The following USP33 variants were observed in gnomAD, a reference collection of about 807,000 sequenced individuals.
The protein encoded by USP33 is ubiquitin carboxyl-terminal hydrolase 33.
Under a neutral mutation model 124.2 loss-of-function variants are expected in USP33, and 46 were observed. The ratio of observed to expected loss-of-function variants is 0.37; its 90% confidence interval spans 0.29 to 0.47. The LOEUF (loss-of-function observed/expected upper bound fraction) is 0.47, where lower values mean the gene tolerates loss of function less well. Ranked by LOEUF, USP33 falls within the 20% of genes least tolerant of loss-of-function variation. The probability of loss-of-function intolerance (pLI) is 0.99; values close to 1 mark genes in which losing one functional copy is unlikely to be tolerated. For missense variants in USP33, 851 were observed against 1,070.6 expected, an observed-to-expected ratio of 0.79 and a Z score of 2.86; for synonymous variants, 350 against 352.3, an observed-to-expected ratio of 0.99 and a Z score of 0.07.
intron 1 of USP33, among the ~76,000 whole-genome samples, chr1:77,754,118 T>A (rs544534283): frequency 6.6e-6 from 1 of 152,246 alleles, no homozygotes; most frequent in African/African-American, 2.4e-5. Context: ...ATGTTCCCCA[T>A]AATTGTTACA....
intron 10 of USP33, 78 bp from the exon 11 acceptor site, chr1:77,725,840 AATTTG>A: frequency 7.7e-7 from 1 of 1,305,724 alleles, no homozygotes; most frequent in Non-Finnish European, 1.0e-6. Context: ...AAGGTTTCTT[AATTTG>A]ATATTTTGAA....
intron 21 of USP33, among the ~76,000 whole-genome samples, chr1:77,709,504 C>A (rs1490692837): frequency 6.6e-6 from 1 of 151,484 alleles, no homozygotes; most frequent in African/African-American, 2.4e-5. Context: ...CAGAATGAGA[C>A]CCTGTCTTTT....
intron 1 of USP33, among the ~76,000 whole-genome samples, chr1:77,753,641 T>C (rs913259460): frequency 2.0e-5 from 3 of 151,920 alleles, no homozygotes; most frequent in Non-Finnish European, 4.4e-5. Flanking sequence ...GATAGCACTG[T>C]ACTAAGAGTA....
At chr1:77,716,581 T>G (rs1047450275) in intron 17 of USP33, among the ~76,000 whole-genome samples, 3 of 152,174 alleles carry the variant, frequency 2.0e-5, no homozygotes, top group Non-Finnish European at 4.4e-5. Context: ...AGAGGGTAAT[T>G]GATATTGCAA....
At chr1:77,720,189 AAAAAAC>A in intron 15 of USP33, 2 of 498,652 alleles carry the variant, frequency 4.0e-6, no homozygotes, top group Non-Finnish European at 5.2e-6. Context: ...AAAAAAAAAA[AAAAAAC>A]CTTTATTCTT....
At chr1:77,720,392 G>A in intron 15 of USP33, 1 of 985,370 alleles carries the variant, frequency 1.0e-6, no homozygotes, top group Non-Finnish European at 1.2e-6. Context: ...CTTTTCAGCA[G>A]TCAGCTAGGG....
intron 1 of USP33, chr1:77,759,354 C>T: frequency 8.0e-6 from 3 of 373,736 alleles, no homozygotes; most frequent in Non-Finnish European, 1.4e-5. Flanking sequence ...TCACCTGCAC[C>T]TCCCGCTTCC....
At chr1:77,749,067 A>G (rs759865473) in intron 1 of USP33, among the ~76,000 whole-genome samples, 1 of 152,202 alleles carries the variant, frequency 6.6e-6, no homozygotes, top group Non-Finnish European at 1.5e-5. Flanking sequence ...ACATTTTGCT[A>G]TAACAACATC....
chr1:77,745,236 G>A (rs966225779), intron 1 of USP33, among the ~76,000 whole-genome samples: 3 of 152,136 alleles, frequency 2.0e-5, no homozygotes, highest in African/African-American at 7.2e-5. Context: ...TCAGAGACTA[G>A]GATTGCAAAC....
intron 16 of USP33, among the ~76,000 whole-genome samples, chr1:77,718,366 A>G (rs1267431430): frequency 6.6e-6 from 1 of 152,212 alleles, no homozygotes; most frequent in African/African-American, 2.4e-5. Flanking sequence ...TACACTTTAG[A>G]CCTGGCAAGA....
intron 20 of USP33, 42 bp downstream of exon 20, chr1:77,713,158 C>T (rs746501487): frequency 2.2e-5 from 34 of 1,538,280 alleles, no homozygotes; most frequent in Non-Finnish European, 2.8e-5. Flanking sequence ...ACCAGTTTAA[C>T]CGACTTTCAC....
intron 19 of USP33, 81 bp downstream of exon 19, chr1:77,714,533 A>G: frequency 7.1e-7 from 1 of 1,401,606 alleles, no homozygotes; most frequent in Non-Finnish European, 9.8e-7. Context: ...TAAGTGGGAG[A>G]GGAAAATTCT....
intron 21 of USP33, among the ~76,000 whole-genome samples, chr1:77,710,341 C>T (rs949669412): frequency 2.0e-5 from 3 of 152,196 alleles, no homozygotes; most frequent in African/African-American, 7.2e-5. Flanking sequence ...GTCTTCTTGA[C>T]CTTCACTGCC....
chr1:77,711,673 A>G (rs1055414426), intron 21 of USP33, 74 bp downstream of exon 21: 18 of 1,547,118 alleles, frequency 1.2e-5, no homozygotes, highest in African/African-American at 1.4e-5. Context: ...CATTTTATTA[A>G]TATCATATAA....
Position 77,697,292 on chromosome 1 carries a change from A to T in USP33, c.*25T>A. The T allele has an allele frequency of 6.4e-7, 1 of 1,567,764 alleles. No homozygotes were observed. Among genetic ancestry groups the T allele is most frequent in the Non-Finnish European group, 8.6e-7 (1 of 1,159,710 alleles). ...TCAGGGCACATGAAAATGATTCCTC[A>T]TTAGAACTCTCTACATCCTAAAAAT... On this transcript the variant is annotated 3_prime_UTR_variant, in exon 24 of 24. Coordinates refer to ENST00000370794, the MANE Select transcript of USP33 (RefSeq NM_201624.3).
chr1:77,728,780 T>C, intron 9 of USP33, 68 bp from the exon 10 acceptor site: 3 of 1,498,826 alleles, frequency 2.0e-6, no homozygotes, highest in South Asian at 1.3e-5. Flanking sequence ...AGGGAAAATA[T>C]ACAAAATGTC....
chr1:77,720,238 A>G, intron 15 of USP33: 1 of 709,918 alleles, frequency 1.4e-6, no homozygotes, highest in Non-Finnish European at 1.7e-6. Flanking sequence ...GATGGTTATT[A>G]TTATATAATC....
At chr1:77,746,596 A>G (rs918499225) in intron 1 of USP33, 4 of 152,242 alleles carry the variant, frequency 2.6e-5, no homozygotes, top group Admixed American at 6.5e-5. Context: ...TTTTAGACCA[A>G]TATCCCTGAT....
intron 1 of USP33, among the ~76,000 whole-genome samples, chr1:77,756,332 T>C (rs902697575): frequency 6.6e-6 from 1 of 152,166 alleles, no homozygotes; most frequent in African/African-American, 2.4e-5. Flanking sequence ...TCTATCTAAA[T>C]TGAGGCTTTT....
Sources: gnomAD v4.1 joint callset for allele counts (sites outside exome capture counted in the v4.1 genomes callset) on GRCh38, gnomAD v4.1.1 for gene constraint, MANE v1.5 for transcripts, NCBI Gene and HGNC (gene_info 2026-07-23, HGNC 2026-07-21) for gene names.